The following UGP2 variants were observed in gnomAD, a reference collection of about 807,000 sequenced individuals.
The protein encoded by UGP2 is UDP-glucose pyrophosphorylase 2, also known as UTP--glucose-1-phosphate uridylyltransferase.
In UGP2, 40 loss-of-function variants were observed where a neutral mutation model predicts 49.0. That is an observed-to-expected ratio of 0.82 (90% CI 0.63 to 1.06). The LOEUF is 1.06. UGP2 is among the 50% of genes least tolerant of loss of function. The pLI, the probability that UGP2 is intolerant of heterozygous loss-of-function variation, is 0.00. For synonymous variants in UGP2, 225 were observed against 213.0 expected, an observed-to-expected ratio of 1.06 and a Z score of -0.49; for missense variants, 460 against 603.5, an observed-to-expected ratio of 0.76 and a Z score of 2.49.
At chr2:63,891,040 G>T (rs1672113452) in intron 9 of UGP2, 80 bp from the exon 10 acceptor site, 10 of 1,099,504 alleles carry the variant, frequency 9.1e-6, no homozygotes, top group East Asian at 2.7e-5. Context: ...AAAAAAAGTT[G>T]TACATAAACT....
intron 3 of UGP2, chr2:63,859,348 T>C (rs758543564): frequency 6.6e-6 from 1 of 152,202 alleles, no homozygotes; most frequent in Admixed American, 6.5e-5. Flanking sequence ...TGTTTTCTAC[T>C]GTACAAACTT....
chr2:63,845,053 T>C (rs1405148339), intron 1 of UGP2, among the ~76,000 whole-genome samples: 1 of 152,226 alleles, frequency 6.6e-6, no homozygotes, highest in Non-Finnish European at 1.5e-5. Context: ...AATGAATTTG[T>C]CATGGATGAC....
At chr2:63,854,064 A>G (rs149826737) in intron 1 of UGP2, among the ~76,000 whole-genome samples, 148 of 152,328 alleles carry the variant, frequency 9.7e-4, no homozygotes, top group Non-Finnish European at 1.8e-3. Context: ...AGGCCAGGAA[A>G]AAAACATTAG....
intron 3 of UGP2, among the ~76,000 whole-genome samples, chr2:63,878,028 AAG>A (rs1389089427): frequency 3.2e-4 from 41 of 129,496 alleles, no homozygotes; most frequent in African/African-American, 7.7e-4. Flanking sequence ...AAAAAAAAAA[AAG>A]AAGTCTGCAT....
intron 3 of UGP2, among the ~76,000 whole-genome samples, chr2:63,868,070 G>A (rs1670295176): frequency 6.6e-6 from 1 of 152,202 alleles, no homozygotes; most frequent in Non-Finnish European, 1.5e-5. Flanking sequence ...CCTTTAACCA[G>A]CAACTCCAAC....
At chr2:63,868,499 C>G (rs760939821) in intron 3 of UGP2, among the ~76,000 whole-genome samples, 31 of 152,260 alleles carry the variant, frequency 2.0e-4, no homozygotes, top group Non-Finnish European at 3.8e-4. Flanking sequence ...TGGGGATTCT[C>G]TTATAGTTGG....
At chr2:63,873,108 A>G (rs1294280925) in intron 3 of UGP2, among the ~76,000 whole-genome samples, 1 of 152,240 alleles carries the variant, frequency 6.6e-6, no homozygotes, top group African/African-American at 2.4e-5. Context: ...CTCAGCTCTC[A>G]GTCTTAGAGA....
intron 1 of UGP2, chr2:63,855,405 G>A (rs1291999098): frequency 2.1e-6 from 1 of 484,618 alleles, no homozygotes; most frequent in African/African-American, 2.0e-5. Context: ...AAATAATCCA[G>A]TTGTCCCTAT....
intron 3 of UGP2, among the ~76,000 whole-genome samples, chr2:63,858,328 T>C (rs1486015027): frequency 1.3e-5 from 2 of 152,220 alleles, no homozygotes; most frequent in Non-Finnish European, 2.9e-5. Flanking sequence ...AGCTCTCTTC[T>C]TGTATTTTAT....
intron 1 of UGP2, among the ~76,000 whole-genome samples, chr2:63,843,869 C>CT (rs1424264424): frequency 6.6e-6 from 1 of 152,122 alleles, no homozygotes; most frequent in East Asian, 1.9e-4. Context: ...TTGCCAGCCA[C>CT]TTTTTTTCTT....
intron 2 of UGP2, chr2:63,857,413 G>T: frequency 3.5e-6 from 1 of 282,576 alleles, no homozygotes; most frequent in Non-Finnish European, 7.1e-6. Context: ...ACCCAGGCTG[G>T]AGTGCAGTGG....
At chr2:63,848,549 A>G (rs2104250082) in intron 1 of UGP2, among the ~76,000 whole-genome samples, 1 of 152,254 alleles carries the variant, frequency 6.6e-6, no homozygotes, top group South Asian at 2.1e-4. Context: ...TTTTTAGTAG[A>G]GACAGGGTTT....
At chr2:63,846,571 A>T (rs959017487) in intron 1 of UGP2, among the ~76,000 whole-genome samples, 6 of 152,222 alleles carry the variant, frequency 3.9e-5, no homozygotes, top group African/African-American at 1.4e-4. Flanking sequence ...TCACTTAAAA[A>T]ATGCTTGAGG....
At chr2:63,886,054 ATC>A (rs1294145848) in intron 6 of UGP2, among the ~76,000 whole-genome samples, 168 bp downstream of exon 6, 1 of 152,190 alleles carries the variant, frequency 6.6e-6, no homozygotes. Context: ...TATCAAAATC[ATC>A]TCTATTTTTT....
chr2:63,869,701 C>T (rs1221154027), intron 3 of UGP2, among the ~76,000 whole-genome samples: 1 of 152,098 alleles, frequency 6.6e-6, no homozygotes, highest in Non-Finnish European at 1.5e-5. Context: ...GGATATTGAG[C>T]ATGAATGATT....
At chr2:63,887,288 T>C (rs1671750796) in intron 7 of UGP2, 114 bp from the exon 8 acceptor site, 1 of 1,477,824 alleles carries the variant, frequency 6.8e-7, no homozygotes, top group Non-Finnish European at 9.1e-7. Context: ...AATTTTTTTT[T>C]TTCCATCAAT....
chr2:63,872,365 G>A (rs959153778), intron 3 of UGP2, among the ~76,000 whole-genome samples: 8 of 152,214 alleles, frequency 5.3e-5, no homozygotes, highest in Non-Finnish European at 1.0e-4. Context: ...TGTTGGGTAC[G>A]GGTGAGGGAG....
chr2:63,850,152 G>A (rs1668953431), intron 1 of UGP2, among the ~76,000 whole-genome samples: 1 of 152,078 alleles, frequency 6.6e-6, no homozygotes, highest in African/African-American at 2.4e-5. Context: ...TAAGAGTAGG[G>A]TTAATTTTAA....
intron 1 of UGP2, among the ~76,000 whole-genome samples, chr2:63,848,881 G>C (rs1668848197): frequency 6.6e-6 from 1 of 152,178 alleles, no homozygotes. Flanking sequence ...TTGTTGCACA[G>C]TAATTGTCTA....
Sources: allele counts gnomAD v4.1 joint callset (sites outside exome capture counted in the v4.1 genomes callset), GRCh38; gene constraint gnomAD v4.1.1; transcripts MANE v1.5; gene names NCBI Gene and HGNC (gene_info 2026-07-23, HGNC 2026-07-21).